Variants in DCC observed in about 807,000 individuals in gnomAD.
DCC encodes DCC netrin 1 receptor, also known as netrin receptor DCC.
In DCC, 58 loss-of-function variants were observed where a neutral mutation model predicts 172.5. The ratio of observed to expected loss-of-function variants is 0.34; its 90% confidence interval spans 0.27 to 0.42. The LOEUF is 0.42. Among genes scored for constraint, DCC ranks in the 10% least tolerant of loss-of-function variants. The pLI, the probability that DCC is intolerant of heterozygous loss-of-function variation, is 1.00. For missense variants in DCC, 1,740 were observed against 1,791.0 expected (o/e 0.97, Z 0.51); for synonymous variants, 709 against 644.5 (o/e 1.10, Z -1.52).
chr18:53,069,609 C>T (rs1441569163), intron 7 of DCC, among the ~76,000 whole-genome samples: 1 of 143,940 alleles, frequency 6.9e-6, no homozygotes, highest in Non-Finnish European at 1.5e-5. Context: ...CACAGAACTG[C>T]TCCACAAAAA....
chr18:53,291,234 A>G (rs1457294608), intron 12 of DCC, among the ~76,000 whole-genome samples: 1 of 151,972 alleles, frequency 6.6e-6, no homozygotes, highest in Non-Finnish European at 1.5e-5. Flanking sequence ...TTTTTCTCTG[A>G]TTAAGCGTTA....
At chr18:53,132,356 G>A (rs538904478) in intron 7 of DCC, among the ~76,000 whole-genome samples, 20 of 152,094 alleles carry the variant, frequency 1.3e-4, no homozygotes, top group South Asian at 4.2e-4. Context: ...ATGATGAGTC[G>A]ACCTGAGCTG....
At chr18:53,471,124 C>T (rs2045690879) in intron 25 of DCC, among the ~76,000 whole-genome samples, 1 of 152,120 alleles carries the variant, frequency 6.6e-6, no homozygotes, top group South Asian at 2.1e-4. Flanking sequence ...AAGCTTGTAA[C>T]TAGTCTCTTC....
At chr18:53,206,498 T>TTATATATAA in intron 10 of DCC, among the ~76,000 whole-genome samples, 1 of 78,800 alleles carries the variant, frequency 1.3e-5, no homozygotes, top group Admixed American at 1.2e-4. Context: ...TGTATATGTA[T>TTATATATAA]TACATATCTA....
intron 1 of DCC, among the ~76,000 whole-genome samples, chr18:52,345,388 T>G (rs902031030): frequency 2.0e-5 from 3 of 152,212 alleles, no homozygotes; most frequent in Admixed American, 6.5e-5. Context: ...CTTCCCCCTC[T>G]TTTTCCATTC....
chr18:53,067,993 T>C lies in DCC; in HGVS notation c.1261+1827T>C, dbSNP rs564439216. ...CTTTCTCCTATTTCCTTGATTGAAA[T>C]AAAAATAAAATAACTATAGAACAAC... On this transcript the variant is annotated intron_variant, in intron 7 of 28. Coordinates refer to ENST00000442544, the MANE Select transcript of DCC (RefSeq NM_005215.4). Among the ~76,000 whole-genome samples, 250 of 152,224 alleles carry C rather than the reference T, an allele frequency of 1.6e-3. 1 individual carries two copies. The highest frequency in any genetic ancestry group is 6.8e-3 in the Middle Eastern group (2 of 294).
intron 1 of DCC, among the ~76,000 whole-genome samples, chr18:52,731,690 A>C (rs990175254): frequency 2.6e-5 from 4 of 151,890 alleles, no homozygotes; most frequent in African/African-American, 9.7e-5. Context: ...TTTAACCCCC[A>C]AAAAACCCAC....
At chr18:53,497,002 T>G (rs2046032357) in intron 26 of DCC, among the ~76,000 whole-genome samples, 1 of 152,244 alleles carries the variant, frequency 6.6e-6, no homozygotes, top group Admixed American at 6.5e-5. Context: ...GTGTTTAAAA[T>G]GTAATGTGCA....
At chr18:52,711,869 C>T (rs1366852250) in intron 1 of DCC, among the ~76,000 whole-genome samples, 1 of 152,192 alleles carries the variant, frequency 6.6e-6, no homozygotes. Flanking sequence ...CCTGACTTTT[C>T]TGTATCTCCA....
chr18:52,788,382 GAGT>G (rs565831011), intron 2 of DCC, among the ~76,000 whole-genome samples: 8 of 152,134 alleles, frequency 5.3e-5, no homozygotes, highest in Non-Finnish European at 8.8e-5. Context: ...CAGAATTGCA[GAGT>G]AGGTCTGACT....
intron 17 of DCC, 144 bp from the exon 18 acceptor site, chr18:53,397,164 C>A: frequency 1.4e-6 from 1 of 725,444 alleles, no homozygotes; most frequent in South Asian, 1.6e-5. Flanking sequence ...GATGGGAATT[C>A]GAGTCAGTGC....
intron 7 of DCC, among the ~76,000 whole-genome samples, chr18:53,114,213 G>A (rs1483896126): frequency 1.3e-5 from 2 of 151,274 alleles, no homozygotes; most frequent in East Asian, 3.9e-4. Context: ...AATCCTGGCA[G>A]TGCTTTATTT....
At chr18:52,967,874 A>G (rs1006728873) in intron 5 of DCC, among the ~76,000 whole-genome samples, 2 of 152,174 alleles carry the variant, frequency 1.3e-5, no homozygotes, top group African/African-American at 4.8e-5. Context: ...AAAATTAGAT[A>G]ATGTTGTATG....
intron 8 of DCC, among the ~76,000 whole-genome samples, chr18:53,169,663 A>T (rs190323221): frequency 6.6e-6 from 1 of 152,260 alleles, no homozygotes; most frequent in Admixed American, 6.5e-5. Context: ...CTTCAGATTC[A>T]CAGGAGAGAA....
At chr18:53,220,708 C>T (rs2055918457) in intron 12 of DCC, among the ~76,000 whole-genome samples, 1 of 152,132 alleles carries the variant, frequency 6.6e-6, no homozygotes, top group Non-Finnish European at 1.5e-5. Flanking sequence ...AGCATTTCTG[C>T]CTGAGCATAG....
intron 7 of DCC, among the ~76,000 whole-genome samples, chr18:53,133,697 C>A (rs2043694105): frequency 6.6e-6 from 1 of 152,152 alleles, no homozygotes; most frequent in Admixed American, 6.6e-5. Flanking sequence ...TTTCACTGAA[C>A]ACAGTGAACA....
chr18:52,629,460 T>C (rs1418550951), intron 1 of DCC, among the ~76,000 whole-genome samples: 1 of 152,038 alleles, frequency 6.6e-6, no homozygotes, highest in Non-Finnish European at 1.5e-5. Flanking sequence ...GAGGGTGGAT[T>C]AGGGGGAGCA....
At chr18:52,353,959 G>A (rs1185395743) in intron 1 of DCC, among the ~76,000 whole-genome samples, 8 of 152,184 alleles carry the variant, frequency 5.3e-5, no homozygotes, top group Non-Finnish European at 7.3e-5. Flanking sequence ...CTGCCTCTCA[G>A]CGAAACATGC....
intron 1 of DCC, among the ~76,000 whole-genome samples, chr18:52,638,057 C>T (rs2034816201): frequency 6.6e-6 from 1 of 152,124 alleles, no homozygotes; most frequent in South Asian, 2.1e-4. Flanking sequence ...ATTTTGTATA[C>T]AATGAAACTA....
Sources: allele counts gnomAD v4.1 joint callset (sites outside exome capture counted in the v4.1 genomes callset), GRCh38; gene constraint gnomAD v4.1.1; transcripts MANE v1.5; gene names NCBI Gene and HGNC (gene_info 2026-07-23, HGNC 2026-07-21).